Variants in FER1L6 observed in about 807,000 individuals in gnomAD.
FER1L6 encodes the protein fer-1-like protein 6.
Under a neutral mutation model 219.2 loss-of-function variants are expected in FER1L6, and 177 were observed. The observed-to-expected ratio is 0.81, with a 90% CI of 0.71 to 0.91. The LOEUF is 0.91. Ranked by LOEUF, FER1L6 falls within the 40% of genes least tolerant of loss-of-function variation. The probability of loss-of-function intolerance (pLI) is 0.00; values close to 1 mark genes in which losing one functional copy is unlikely to be tolerated. For synonymous variants in FER1L6, 768 were observed against 824.3 expected (o/e 0.93, Z 1.17); for missense variants, 2,153 against 2,259.9 (o/e 0.95, Z 0.96).
intron 1 of FER1L6, among the ~76,000 whole-genome samples, chr8:123,904,718 G>T (rs953136536): frequency 1.3e-5 from 2 of 152,146 alleles, no homozygotes; most frequent in Admixed American, 6.5e-5. Flanking sequence ...AGTCTAAGTG[G>T]CCTCTGAGAT....
At chr8:123,888,448 A>G (rs1353307035) in intron 1 of FER1L6, among the ~76,000 whole-genome samples, 4 of 152,114 alleles carry the variant, frequency 2.6e-5, no homozygotes, top group African/African-American at 4.8e-5. Flanking sequence ...TTTGTCCCCA[A>G]TATTCTTTGG....
At chr8:123,959,133 T>C (rs752690755) in intron 2 of FER1L6, among the ~76,000 whole-genome samples, 2 of 152,116 alleles carry the variant, frequency 1.3e-5, no homozygotes. Flanking sequence ...GTGAGTAGAC[T>C]GAAGAGAACA....
intron 1 of FER1L6, among the ~76,000 whole-genome samples, chr8:123,919,835 T>G (rs1813305786): frequency 6.6e-6 from 1 of 152,128 alleles, no homozygotes; most frequent in South Asian, 2.1e-4. Context: ...CTAAGGTCCC[T>G]GCACCTGACT....
At chr8:123,887,064 G>A (rs1817216967) in intron 1 of FER1L6, among the ~76,000 whole-genome samples, 1 of 152,120 alleles carries the variant, frequency 6.6e-6, no homozygotes, top group Non-Finnish European at 1.5e-5. Flanking sequence ...TCCATACAAT[G>A]AGACACCAGG....
At chr8:124,011,639 A>G (rs975099320) in intron 14 of FER1L6, among the ~76,000 whole-genome samples, 2 of 147,612 alleles carry the variant, frequency 1.4e-5, no homozygotes, top group Non-Finnish European at 3.0e-5. Context: ...GCATGCCACC[A>G]TGCCTGACTT....
At chr8:123,989,776 G>C (rs1176619249) in intron 12 of FER1L6, among the ~76,000 whole-genome samples, 1 of 152,126 alleles carries the variant, frequency 6.6e-6, no homozygotes, top group Non-Finnish European at 1.5e-5. Flanking sequence ...GTATTCCATG[G>C]TGTGTATATA....
At chr8:123,965,173 T>C (rs895373030) in intron 3 of FER1L6, among the ~76,000 whole-genome samples, 2 of 152,226 alleles carry the variant, frequency 1.3e-5, no homozygotes, top group African/African-American at 4.8e-5. Flanking sequence ...AAGTCCAAAA[T>C]TGGGGAGAAC....
intron 18 of FER1L6, among the ~76,000 whole-genome samples, chr8:124,033,798 T>C (rs1819079882): frequency 6.6e-6 from 1 of 152,246 alleles, no homozygotes; most frequent in Non-Finnish European, 1.5e-5. Context: ...AAAGGAAGGA[T>C]GGAAATCACT....
At chr8:123,921,024 G>T (rs1329570595) in intron 1 of FER1L6, among the ~76,000 whole-genome samples, 1 of 152,150 alleles carries the variant, frequency 6.6e-6, no homozygotes, top group African/African-American at 2.4e-5. Context: ...CATGTGACAA[G>T]ATTTCCTTCA....
intron 39 of FER1L6, among the ~76,000 whole-genome samples, chr8:124,118,584 G>A (rs1041412695): frequency 1.3e-5 from 2 of 152,140 alleles, no homozygotes; most frequent in African/African-American, 4.8e-5. Flanking sequence ...TACATGTGAC[G>A]GAGCTTGTGT....
At chr8:123,929,186 C>G (rs4871436) in intron 1 of FER1L6, among the ~76,000 whole-genome samples, 61,803 of 152,008 alleles carry the variant, frequency 0.41, 12,930 homozygotes, top group South Asian at 0.52. Flanking sequence ...TTATGTGATT[C>G]TTTGATTCAT....
In FER1L6 at chr8:124,021,547, T is replaced by C. The variant is rs1215944781; in HGVS notation, c.2014-3T>C. The C allele has an allele frequency of 3.1e-6, 5 of 1,613,822 alleles. No individual in the cohort carries two copies. In the African/African-American group the frequency reaches 6.7e-5, roughly 22 times the overall value. ...ACCCACACTGACTCTTGTCTTGTTT[T>C]AGGAAGCAATGTGCAAGGAGGCCAA... On this transcript the variant is annotated splice_polypyrimidine_tract_variant and splice_region_variant and intron_variant, in intron 16 of 40. Transcript: ENST00000522917.
chr8:123,924,542 A>AT (rs1275529213), intron 1 of FER1L6, among the ~76,000 whole-genome samples: 5 of 151,128 alleles, frequency 3.3e-5, no homozygotes, highest in Middle Eastern at 3.4e-3. Flanking sequence ...CTCAAAAAAA[A>AT]AAAAATAAAT....
intron 21 of FER1L6, among the ~76,000 whole-genome samples, chr8:124,048,002 T>C (rs1244511091): frequency 6.6e-6 from 1 of 152,224 alleles, no homozygotes; most frequent in Non-Finnish European, 1.5e-5. Flanking sequence ...CTAATTTGAA[T>C]TAACCATTCC....
intron 1 of FER1L6, among the ~76,000 whole-genome samples, chr8:123,932,625 G>A (rs10102852): frequency 3.3e-5 from 5 of 152,086 alleles, no homozygotes; most frequent in Admixed American, 1.3e-4. Context: ...GCGTAATGGT[G>A]GGGGGAGGAC....
At chr8:124,103,802 T>G (rs557977263) in intron 39 of FER1L6, among the ~76,000 whole-genome samples, 69 of 152,356 alleles carry the variant, frequency 4.5e-4, no homozygotes, top group Non-Finnish European at 8.4e-4. Context: ...GACAGTTTCT[T>G]CTTCCTGTTC....
chr8:124,085,152 T>G lies in FER1L6; in HGVS notation c.4391+2694T>G, dbSNP rs561635611. Reference sequence around the variant, plus strand: ...TCTTCTTTATTGTCTGTAATTTTATTTATTTAGGAGGTCTCCCATTTTTCT... The same window carrying G: ...TCTTCTTTATTGTCTGTAATTTTATGTATTTAGGAGGTCTCCCATTTTTCT... On this transcript the variant is annotated intron_variant, in intron 33 of 40. Transcript: ENST00000522917. Among the ~76,000 whole-genome samples, 8 of 152,216 alleles carry G rather than the reference T, an allele frequency of 5.3e-5. No individual in the cohort carries two copies. The East Asian group carries it at 1.5e-3, about 29-fold the overall frequency.
intron 5 of FER1L6, 110 bp downstream of exon 5, chr8:123,966,400 GCCCCCAGT>G (rs1293475094): frequency 3.6e-5 from 50 of 1,406,186 alleles, no homozygotes; most frequent in Non-Finnish European, 4.6e-5. Flanking sequence ...TCCCTCCCTG[GCCCCCAGT>G]TAAGCCCATG....
At chr8:124,038,789 T>C (rs768131151) in intron 19 of FER1L6, among the ~76,000 whole-genome samples, 6 of 152,248 alleles carry the variant, frequency 3.9e-5, no homozygotes, top group African/African-American at 4.8e-5. Context: ...GTTCACAGGG[T>C]ATTTGTACCC....
Sources: gnomAD v4.1 joint callset for allele counts (sites outside exome capture counted in the v4.1 genomes callset) on GRCh38, gnomAD v4.1.1 for gene constraint, MANE v1.5 for transcripts, NCBI Gene and HGNC (gene_info 2026-07-23, HGNC 2026-07-21) for gene names.